Variants in KIAA2012 observed in about 807,000 individuals in gnomAD.
The protein encoded by KIAA2012 is KIAA2012, also known as uncharacterized protein KIAA2012.
In KIAA2012, 125 loss-of-function variants were observed where a neutral mutation model predicts 150.6. That is an observed-to-expected ratio of 0.83 (90% confidence interval 0.72 to 0.96). KIAA2012 has a LOEUF of 0.96. Ranked by LOEUF, KIAA2012 falls within the 40% of genes least tolerant of loss-of-function variation. KIAA2012 has a pLI of 0.00. For missense variants in KIAA2012, 1,219 were observed against 1,354.9 expected (o/e 0.90, Z 1.57); for synonymous variants, 462 against 504.7 (o/e 0.92, Z 1.13).
At chr2:202,077,272 C>T (rs916055221) in intron 2 of KIAA2012, among the ~76,000 whole-genome samples, 5 of 152,150 alleles carry the variant, frequency 3.3e-5, no homozygotes, top group East Asian at 3.8e-4. Context: ...TTTCTATTTT[C>T]CTGGTTGGAC....
At chr2:202,199,446 T>C (rs1350451266) in intron 22 of KIAA2012, among the ~76,000 whole-genome samples, 1 of 152,162 alleles carries the variant, frequency 6.6e-6, no homozygotes, top group Admixed American at 6.6e-5. Flanking sequence ...GTTTTTATAT[T>C]TGTATTTTTT....
chr2:202,100,229 C>A, intron 6 of KIAA2012, 78 bp from the exon 7 acceptor site: 2 of 1,414,816 alleles, frequency 1.4e-6, no homozygotes, highest in Non-Finnish European at 1.9e-6. Flanking sequence ...TTAACTACGA[C>A]GTGATAAAAG....
At chr2:202,133,364 C>T (rs963954377) in intron 12 of KIAA2012, among the ~76,000 whole-genome samples, 1 of 151,646 alleles carries the variant, frequency 6.6e-6, no homozygotes, top group Non-Finnish European at 1.5e-5. Flanking sequence ...GGCTTTCATT[C>T]TGGGCTTGGT....
At chr2:202,161,812 C>T (rs1009379692) in intron 14 of KIAA2012, among the ~76,000 whole-genome samples, 1 of 152,090 alleles carries the variant, frequency 6.6e-6, no homozygotes, top group Non-Finnish European at 1.5e-5. Flanking sequence ...CGGTACCTGG[C>T]ACACAGCAGA....
chr2:202,201,649 C>G (rs1439231353), intron 22 of KIAA2012: 1 of 1,610,830 alleles, frequency 6.2e-7, no homozygotes, highest in African/African-American at 1.3e-5. Context: ...AAAGACCCAA[C>G]AGCCACAGAC....
chr2:202,148,360 A>G (rs562185868), intron 13 of KIAA2012, among the ~76,000 whole-genome samples: 3 of 152,274 alleles, frequency 2.0e-5, no homozygotes, highest in Non-Finnish European at 2.9e-5. Context: ...ATCTCCTTCT[A>G]TAAAGTTGAG....
At chr2:202,159,584 G>A (rs1293508933) in intron 14 of KIAA2012, among the ~76,000 whole-genome samples, 1 of 152,180 alleles carries the variant, frequency 6.6e-6, no homozygotes, top group African/African-American at 2.4e-5. Context: ...GCTCCCACCT[G>A]TAATCCCAGC....
At chr2:202,080,696 C>CAAAA (rs59085497) in intron 2 of KIAA2012, among the ~76,000 whole-genome samples, 4 of 104,752 alleles carry the variant, frequency 3.8e-5, no homozygotes, top group African/African-American at 6.9e-5. Flanking sequence ...AACTCCGTCT[C>CAAAA]AAAAAAAAAA....
At chr2:202,147,581 T>A (rs145043455) in intron 13 of KIAA2012, among the ~76,000 whole-genome samples, 1 of 152,366 alleles carries the variant, frequency 6.6e-6, no homozygotes, top group East Asian at 1.9e-4. Context: ...CCAGGACTAC[T>A]TCAACTCCAT....
chr2:202,168,929 GC>G (rs1222609516), intron 15 of KIAA2012, among the ~76,000 whole-genome samples: 1 of 152,162 alleles, frequency 6.6e-6, no homozygotes, highest in African/African-American at 2.4e-5. Context: ...GAGGCCCAGA[GC>G]CCTATTGCCT....
intron 15 of KIAA2012, among the ~76,000 whole-genome samples, chr2:202,172,237 A>C (rs1046914239): frequency 2.6e-5 from 4 of 152,228 alleles, no homozygotes; most frequent in African/African-American, 9.6e-5. Context: ...TATTCCACAG[A>C]TGAGGAAAAT....
intron 8 of KIAA2012, 88 bp from the exon 9 acceptor site, chr2:202,105,673 G>T: frequency 6.8e-7 from 1 of 1,479,140 alleles, no homozygotes; most frequent in Non-Finnish European, 9.0e-7. Flanking sequence ...CATGGTGTGA[G>T]CAGGGAAGGG....
At chr2:202,171,064 A>G (rs1691876422) in intron 15 of KIAA2012, among the ~76,000 whole-genome samples, 1 of 151,906 alleles carries the variant, frequency 6.6e-6, no homozygotes, top group Admixed American at 6.6e-5. Flanking sequence ...TTCGCCCCCC[A>G]CGGGAGAAAA....
intron 4 of KIAA2012, among the ~76,000 whole-genome samples, chr2:202,094,340 C>G (rs1689807117): frequency 6.6e-6 from 1 of 152,148 alleles, no homozygotes. Flanking sequence ...CAACCCCCAT[C>G]TTTGGGGAAA....
At chr2:202,160,773 G>C (rs956416838) in intron 14 of KIAA2012, among the ~76,000 whole-genome samples, 1 of 152,148 alleles carries the variant, frequency 6.6e-6, no homozygotes, top group African/African-American at 2.4e-5. Flanking sequence ...CATATGGTAT[G>C]TTACATGGAA....
At chr2:202,145,060 T>C (rs927071768) in intron 13 of KIAA2012, among the ~76,000 whole-genome samples, 9 of 152,170 alleles carry the variant, frequency 5.9e-5, no homozygotes, top group Admixed American at 3.3e-4. Context: ...CTAGGCATCC[T>C]TCTTGGAGAT....
chr2:202,077,166 G>A (rs1448540842), intron 2 of KIAA2012: 6 of 407,348 alleles, frequency 1.5e-5, no homozygotes, highest in East Asian at 7.2e-5. Flanking sequence ...TGATGTTACT[G>A]ATCTCAATGT....
At chr2:202,133,928 G>A (rs1004486375) in intron 12 of KIAA2012, among the ~76,000 whole-genome samples, 1 of 152,068 alleles carries the variant, frequency 6.6e-6, no homozygotes, top group Non-Finnish European at 1.5e-5. Flanking sequence ...TTAAGGAAAG[G>A]TCAGAAGGAC....
At chr2:202,201,710 G>A in intron 22 of KIAA2012, 2 of 1,570,338 alleles carry the variant, frequency 1.3e-6, no homozygotes, top group East Asian at 2.2e-5. Flanking sequence ...CGACATGGTG[G>A]GGACTGTGGC....
Sources: gnomAD v4.1 joint callset for allele counts (sites outside exome capture counted in the v4.1 genomes callset) on GRCh38, gnomAD v4.1.1 for gene constraint, MANE v1.5 for transcripts, NCBI Gene and HGNC (gene_info 2026-07-23, HGNC 2026-07-21) for gene names.